Variants in CCDC178 observed in about 807,000 individuals in gnomAD.
CCDC178 encodes the protein coiled-coil domain containing 178, also known as coiled-coil domain-containing protein 178.
Under a neutral mutation model 117.4 loss-of-function variants are expected in CCDC178, and 126 were observed. That is an observed-to-expected ratio of 1.07 (90% CI 0.93 to 1.24). CCDC178 has a LOEUF of 1.24. Among genes scored for constraint, CCDC178 ranks in the 50% most tolerant of loss-of-function variants. CCDC178 has a pLI of 0.00. For synonymous variants in CCDC178, 283 were observed against 313.4 expected (o/e 0.90, Z 1.02); for missense variants, 1,030 against 986.9 (o/e 1.04, Z -0.59).
At chr18:33,424,863 G>C (rs2064096563) in intron 2 of CCDC178, among the ~76,000 whole-genome samples, 1 of 152,160 alleles carries the variant, frequency 6.6e-6, no homozygotes, top group African/African-American at 2.4e-5. Context: ...CCTGCCTACA[G>C]CCCCGAGTGT....
chr18:33,261,106 C>T (rs1218998538), intron 14 of CCDC178, among the ~76,000 whole-genome samples: 2 of 135,978 alleles, frequency 1.5e-5, no homozygotes, highest in Non-Finnish European at 3.1e-5. Context: ...TTTGTTGAGA[C>T]ACAGTCTCGC....
Position 33,215,685 on chromosome 18 carries a change from G to C in CCDC178, c.1943C>G (p.Ser648Ter), listed in dbSNP as rs766152063. The C allele has an allele frequency of 3.9e-6, 6 of 1,523,068 alleles. No individual in the cohort carries two copies. Among genetic ancestry groups the C allele is most frequent in the Non-Finnish European group, 5.2e-6 (6 of 1,143,102 alleles). 94.3% of individuals were successfully genotyped at this position (1,523,068 alleles called of 1,614,324 possible). A position where few individuals can be genotyped will look rare whatever the true frequency, so the allele number is the denominator to read the frequency against. ...DALIETESKR[S>*]AIFKDLEATK... ...TGCTTCTAGGTCTTTAAAAATTGCT[G>C]AGCGTTTACTCTGAAAAAAAATATA... The change falls in exon 19 of 23, where the codon TCA becomes TGA. Residue 648 changes from serine to a stop codon, truncating the protein, a stop_gained. Transcript: ENST00000383096. LOFTEE classifies it high-confidence loss of function.
intron 21 of CCDC178, among the ~76,000 whole-genome samples, chr18:32,980,380 G>A (rs913710106): frequency 6.6e-6 from 1 of 151,454 alleles, no homozygotes; most frequent in Non-Finnish European, 1.5e-5. Flanking sequence ...TCAGGAGATC[G>A]AGACCACGGT....
chr18:33,178,633 T>C (rs1017069593), intron 20 of CCDC178, among the ~76,000 whole-genome samples: 1 of 152,170 alleles, frequency 6.6e-6, no homozygotes, highest in African/African-American at 2.4e-5. Context: ...TACATGGCCA[T>C]GCTGACTTTT....
At chr18:33,368,486 TTC>T (rs2063249215) in intron 6 of CCDC178, among the ~76,000 whole-genome samples, 1 of 151,964 alleles carries the variant, frequency 6.6e-6, no homozygotes. Flanking sequence ...AGCTCTTTTT[TTC>T]AGTTTTTTTA....
intron 20 of CCDC178, among the ~76,000 whole-genome samples, chr18:33,192,985 C>A (rs373128724): frequency 6.6e-6 from 1 of 151,028 alleles, no homozygotes. Context: ...CTAGGCTGGG[C>A]GCGGTGGCTC....
chr18:33,089,719 G>A (rs1248422194), intron 21 of CCDC178, among the ~76,000 whole-genome samples: 2 of 152,120 alleles, frequency 1.3e-5, no homozygotes, highest in East Asian at 3.8e-4. Context: ...AAAGAATCTG[G>A]GGTGGCAATT....
At chr18:33,078,043 C>T (rs956325903) in intron 21 of CCDC178, among the ~76,000 whole-genome samples, 7 of 152,156 alleles carry the variant, frequency 4.6e-5, no homozygotes, top group African/African-American at 1.4e-4. Flanking sequence ...TAACAAAATA[C>T]TTGCAAACCA....
intron 18 of CCDC178, among the ~76,000 whole-genome samples, chr18:33,216,252 A>G (rs960052264): frequency 6.6e-6 from 1 of 152,092 alleles, no homozygotes; most frequent in African/African-American, 2.4e-5. Context: ...AGATGCAAAC[A>G]TGTCGTCACT....
At chr18:33,317,329 C>G (rs1358453708) in intron 11 of CCDC178, among the ~76,000 whole-genome samples, 1 of 152,052 alleles carries the variant, frequency 6.6e-6, no homozygotes, top group East Asian at 1.9e-4. Flanking sequence ...AGGCCTGTGG[C>G]TTCACTCCTG....
At chr18:33,187,600 GT>G (rs1432232417) in intron 20 of CCDC178, among the ~76,000 whole-genome samples, 1 of 152,024 alleles carries the variant, frequency 6.6e-6, no homozygotes, top group East Asian at 1.9e-4. Context: ...ATGTCAAAAT[GT>G]TAAAAATTTG....
chr18:33,419,724 A>G (rs1338801890), intron 2 of CCDC178, among the ~76,000 whole-genome samples: 1 of 152,182 alleles, frequency 6.6e-6, no homozygotes, highest in South Asian at 2.1e-4. Flanking sequence ...GCTAATCAAA[A>G]CCACAATGCG....
chr18:32,987,585 T>C (rs1010075906), intron 21 of CCDC178, among the ~76,000 whole-genome samples: 1 of 152,132 alleles, frequency 6.6e-6, no homozygotes, highest in African/African-American at 2.4e-5. Context: ...TACACCATCT[T>C]CTTAAGCATA....
intron 15 of CCDC178, among the ~76,000 whole-genome samples, chr18:33,239,283 G>A (rs1221330789): frequency 1.3e-5 from 2 of 151,828 alleles, no homozygotes; most frequent in South Asian, 4.2e-4. Context: ...AAAAGATGAA[G>A]TAAGAAACAT....
intron 18 of CCDC178, among the ~76,000 whole-genome samples, chr18:33,219,764 G>A (rs993009596): frequency 3.3e-5 from 5 of 151,906 alleles, no homozygotes; most frequent in Non-Finnish European, 2.9e-5. Context: ...ATCACACACC[G>A]GAGCCTGTCA....
At chr18:33,111,956 A>C (rs1340325735) in intron 20 of CCDC178, among the ~76,000 whole-genome samples, 1 of 151,794 alleles carries the variant, frequency 6.6e-6, no homozygotes, top group African/African-American at 2.4e-5. Flanking sequence ...TTCCTTGAAC[A>C]TTAAAGCAAA....
chr18:33,038,979 G>A (rs1391734960), intron 21 of CCDC178, among the ~76,000 whole-genome samples: 1 of 151,772 alleles, frequency 6.6e-6, no homozygotes, highest in Admixed American at 6.6e-5. Flanking sequence ...ATATGTATAT[G>A]GCCAAAAGCT....
At chr18:32,972,325 T>C (rs1395281605) in intron 22 of CCDC178, among the ~76,000 whole-genome samples, 15 of 152,062 alleles carry the variant, frequency 9.9e-5, no homozygotes, top group Admixed American at 9.8e-4. Context: ...GATCAGATGG[T>C]TGTAGATGTG....
At chr18:33,402,710 A>G (rs2063725274) in intron 3 of CCDC178, among the ~76,000 whole-genome samples, 1 of 152,220 alleles carries the variant, frequency 6.6e-6, no homozygotes, top group Admixed American at 6.5e-5. Context: ...CCAGAATAGT[A>G]TCCAGATTTT....
Sources: gnomAD v4.1 joint callset for allele counts (sites outside exome capture counted in the v4.1 genomes callset) on GRCh38, gnomAD v4.1.1 for gene constraint, MANE v1.5 for transcripts, NCBI Gene and HGNC (gene_info 2026-07-23, HGNC 2026-07-21) for gene names.